Variants in LMX1A observed in about 807,000 individuals in gnomAD.
LMX1A encodes the protein LIM homeobox transcription factor 1 alpha, also known as LIM homeobox transcription factor 1-alpha.
LMX1A carries 15 observed loss-of-function variants against 49.1 expected under a neutral mutation model. That is an observed-to-expected ratio of 0.31 (90% confidence interval 0.20 to 0.47). The LOEUF (loss-of-function observed/expected upper bound fraction) is 0.47. Among genes scored for constraint, LMX1A ranks in the 20% least tolerant of loss-of-function variants. The pLI, the probability that LMX1A is intolerant of heterozygous loss-of-function variation, is 1.00. For synonymous variants in LMX1A, 167 were observed against 185.7 expected, an observed-to-expected ratio of 0.90 and a Z score of 0.82; for missense variants, 372 against 475.8, an observed-to-expected ratio of 0.78 and a Z score of 2.03.
At chr1:165,297,107 G>A (rs1298443968) in intron 3 of LMX1A, among the ~76,000 whole-genome samples, 5 of 152,206 alleles carry the variant, frequency 3.3e-5, no homozygotes, top group Admixed American at 1.3e-4. Flanking sequence ...CCAGCACAGT[G>A]CTTGGAACAC....
chr1:165,209,320 G>A (rs141939171), intron 6 of LMX1A, among the ~76,000 whole-genome samples: 88 of 152,232 alleles, frequency 5.8e-4, no homozygotes, highest in African/African-American at 2.1e-3. Flanking sequence ...TTTGGCATAC[G>A]GTTCCTAAAA....
intron 4 of LMX1A, among the ~76,000 whole-genome samples, chr1:165,240,344 T>C (rs946723445): frequency 2.6e-5 from 4 of 152,142 alleles, no homozygotes; most frequent in African/African-American, 9.7e-5. Context: ...TTAAAGTGGC[T>C]TACCCTTCTG....
rs771664986 is a variant in LMX1A at position 165,292,061 on chromosome 1, CAAAA to C, written c.264-42425_264-42422del. Among the ~76,000 whole-genome samples the C allele has an allele frequency of 2.7e-3, 219 of 82,524 alleles. 1 individual carries two copies. Among genetic ancestry groups the C allele is most frequent in the South Asian group, 6.3e-3 (10 of 1,582 alleles). The allele number at this position is 82,524 out of a possible 152,430, so 54.1% of individuals were successfully genotyped here. Reference sequence around the variant, plus strand: ...TGGGCGACAGAGCGAAACTCCGTCTCAAAAAAAAAAAAAAAAAAAAAAAACAATA... The same window carrying C: ...TGGGCGACAGAGCGAAACTCCGTCTCAAAAAAAAAAAAAAAAAAAACAATA... On this transcript the variant is annotated intron_variant, in intron 3 of 8. Transcript: ENST00000342310.
chr1:165,337,986 C>A (rs1350547996), intron 3 of LMX1A, among the ~76,000 whole-genome samples: 1 of 151,762 alleles, frequency 6.6e-6, no homozygotes. Context: ...GATTGATTCA[C>A]CCCTTATGCA....
chr1:165,323,963 C>T (rs2101746374), intron 3 of LMX1A, among the ~76,000 whole-genome samples: 1 of 152,294 alleles, frequency 6.6e-6, no homozygotes, highest in East Asian at 1.9e-4. Flanking sequence ...CTACTAAATG[C>T]TTGTAGTTAA....
intron 8 of LMX1A, 107 bp from the exon 9 acceptor site, chr1:165,204,147 G>A: frequency 2.5e-6 from 3 of 1,199,934 alleles, no homozygotes; most frequent in Non-Finnish European, 3.5e-6. Flanking sequence ...ACAGGCTCCA[G>A]GTGAAACTTT....
intron 3 of LMX1A, among the ~76,000 whole-genome samples, chr1:165,345,342 G>A (rs909122292): frequency 6.6e-6 from 1 of 152,218 alleles, no homozygotes; most frequent in African/African-American, 2.4e-5. Flanking sequence ...AGAACCTGGT[G>A]CTAAGAGATG....
chr1:165,245,443 C>A (rs914934656), intron 4 of LMX1A, among the ~76,000 whole-genome samples: 3 of 152,278 alleles, frequency 2.0e-5, no homozygotes, highest in Middle Eastern at 3.4e-3. Context: ...GTACATGGGT[C>A]GGCAACCTTG....
chr1:165,301,944 C>T (rs1161714841), intron 3 of LMX1A, among the ~76,000 whole-genome samples: 3 of 152,164 alleles, frequency 2.0e-5, no homozygotes, highest in South Asian at 4.2e-4. Context: ...TCATAGAATG[C>T]TGGAGTACAA....
intron 3 of LMX1A, among the ~76,000 whole-genome samples, chr1:165,324,353 T>C (rs1186850020): frequency 6.6e-6 from 1 of 152,172 alleles, no homozygotes; most frequent in African/African-American, 2.4e-5. Flanking sequence ...AGTCCTCAGC[T>C]TGCTACTCTA....
intron 3 of LMX1A, among the ~76,000 whole-genome samples, chr1:165,275,086 C>T (rs985373645): frequency 2.6e-5 from 4 of 152,036 alleles, no homozygotes; most frequent in Non-Finnish European, 5.9e-5. Flanking sequence ...TTCATAGGAG[C>T]TCTGGAGTTA....
intron 3 of LMX1A, among the ~76,000 whole-genome samples, chr1:165,345,839 G>A (rs977915856): frequency 6.6e-6 from 1 of 152,168 alleles, no homozygotes; most frequent in Non-Finnish European, 1.5e-5. Context: ...GGACCAGCCG[G>A]AGCAACATAG....
intron 4 of LMX1A, among the ~76,000 whole-genome samples, chr1:165,237,875 G>C (rs1652507207): frequency 6.6e-6 from 1 of 152,192 alleles, no homozygotes; most frequent in South Asian, 2.1e-4. Flanking sequence ...GAAATCTAAA[G>C]TTGGTAGGCT....
At chr1:165,233,446 C>T (rs1488897046) in intron 4 of LMX1A, among the ~76,000 whole-genome samples, 1 of 152,090 alleles carries the variant, frequency 6.6e-6, no homozygotes, top group Non-Finnish European at 1.5e-5. Context: ...CAGAAGGAGA[C>T]CATCTCAAAG....
Position 165,249,614 on chromosome 1 carries a change from C to T in LMX1A, c.290G>A (p.Cys97Tyr). Residue 97 changes from cysteine to tyrosine, a missense_variant, in exon 4 of 9, where the codon TGC becomes TAC. By Grantham distance (194) the Cys-to-Tyr change is radical (BLOSUM62 -2). Coordinates refer to ENST00000342310, the MANE Select transcript of LMX1A (RefSeq NM_177398.4). ...CTCATTGGGAGCGATGGCCTCGAAG[C>T]AGCCCCCACATTTAACAGCAAACAG... ...EKLFAVKCGG[C>Y]FEAIAPNEFV... 1 of 1,614,120 alleles carries T rather than the reference C, an allele frequency of 6.2e-7. No individual in the cohort carries two copies. Among genetic ancestry groups the T allele is most frequent in the African/African-American group, 1.3e-5 (1 of 75,058 alleles).
chr1:165,298,903 T>TA (rs1426551302), intron 3 of LMX1A, among the ~76,000 whole-genome samples: 2 of 152,252 alleles, frequency 1.3e-5, no homozygotes, highest in Non-Finnish European at 2.9e-5. Context: ...CTATATGAAG[T>TA]GTCTGCATGT....
At chr1:165,323,727 C>T (rs920355506) in intron 3 of LMX1A, among the ~76,000 whole-genome samples, 1 of 152,178 alleles carries the variant, frequency 6.6e-6, no homozygotes, top group African/African-American at 2.4e-5. Flanking sequence ...GACTTCTTTG[C>T]TCCTTCATGA....
chr1:165,222,683 C>T (rs1256940250), intron 4 of LMX1A, among the ~76,000 whole-genome samples: 1 of 152,182 alleles, frequency 6.6e-6, no homozygotes, highest in Non-Finnish European at 1.5e-5. Flanking sequence ...TGGTTTTAAA[C>T]ATAGAGAGAA....
intron 3 of LMX1A, among the ~76,000 whole-genome samples, chr1:165,294,395 C>A (rs532230118): frequency 7.9e-5 from 12 of 152,266 alleles, no homozygotes; most frequent in South Asian, 6.2e-4. Context: ...AGAGGTCATG[C>A]CCAGTGTGAG....
Sources: gnomAD v4.1 joint callset for allele counts (sites outside exome capture counted in the v4.1 genomes callset) on GRCh38, gnomAD v4.1.1 for gene constraint, MANE v1.5 for transcripts, NCBI Gene and HGNC (gene_info 2026-07-23, HGNC 2026-07-21) for gene names.